The following CHRNA10 variants were observed in gnomAD, a reference collection of about 807,000 sequenced individuals.
The protein encoded by CHRNA10 is neuronal acetylcholine receptor subunit alpha-10.
Under a neutral mutation model 36.0 loss-of-function variants are expected in CHRNA10, and 31 were observed. That is an observed-to-expected ratio of 0.86 (90% CI 0.65 to 1.16). The LOEUF (loss-of-function observed/expected upper bound fraction) is 1.16, where lower values mean the gene tolerates loss of function less well. CHRNA10 is among the 50% of genes most tolerant of loss of function. CHRNA10 has a pLI of 0.00. For synonymous variants in CHRNA10, 302 were observed against 287.0 expected (o/e 1.05, Z -0.53); for missense variants, 648 against 640.9 (o/e 1.01, Z -0.12).
intron 4 of CHRNA10, among the ~76,000 whole-genome samples, chr11:3,666,916 T>G (rs917798305): frequency 3.3e-5 from 5 of 152,158 alleles, no homozygotes; most frequent in Non-Finnish European, 7.4e-5. Flanking sequence ...CCTAGGTTTG[T>G]GGTGATGCTT....
At chr11:3,667,173 G>A in intron 4 of CHRNA10, 59 bp downstream of exon 4, 1 of 1,474,612 alleles carries the variant, frequency 6.8e-7, no homozygotes, top group Non-Finnish European at 8.9e-7. Flanking sequence ...CCCTGTCGCG[G>A]CCCCGCCCTG....
chr11:3,668,045 CCT>C (rs1325824254), intron 3 of CHRNA10, among the ~76,000 whole-genome samples: 1 of 152,204 alleles, frequency 6.6e-6, no homozygotes, highest in African/African-American at 2.4e-5. Flanking sequence ...CAGATTTTAC[CCT>C]CTTTCCACGT....
intron 1 of CHRNA10, 200 bp downstream of exon 1, chr11:3,671,052 C>G: frequency 1.7e-6 from 1 of 604,810 alleles, no homozygotes; most frequent in Non-Finnish European, 2.9e-6. Flanking sequence ...GCTCCCCGCT[C>G]ACTGTTTCCA....
At chr11:3,666,979 CA>C (rs1452601457) in intron 4 of CHRNA10, among the ~76,000 whole-genome samples, 6 of 152,206 alleles carry the variant, frequency 3.9e-5, no homozygotes, top group Admixed American at 6.5e-5. Context: ...ACACAGCAAG[CA>C]GTCGACAGAT....
At chr11:3,667,815 G>A (rs755118049) in intron 3 of CHRNA10, 51 bp from the exon 4 acceptor site, 1 of 1,404,918 alleles carries the variant, frequency 7.1e-7, no homozygotes, top group Non-Finnish European at 9.2e-7. Flanking sequence ...CTGAGGAGCA[G>A]CCCCGGAGGC....
Position 3,667,538 on chromosome 11 carries a change from C to T in CHRNA10, c.589G>A (p.Val197Met), listed in dbSNP as rs763825468. ...RGAAASLADFVENVEWRVLGM... is the reference protein window; with the variant it reads ...RGAAASLADFMENVEWRVLGM... ...AGCACGCGCCACTCCACGTTCTCCA[C>T]GAAGTCCGCCAGGCTGGCTGCAGCG... Residue 197 changes from valine (V) to methionine (M), a missense_variant, in exon 4 of 5, where the codon GTG becomes ATG. Transcript: ENST00000250699. 8.8e-6 allele frequency: 14 copies of T among 1,584,566 alleles called. No homozygotes were observed. The highest frequency in any genetic ancestry group is 1.1e-5 in the South Asian group (1 of 89,588).
At chr11:3,669,405 T>A (rs530166528) in intron 2 of CHRNA10, 55 bp from the exon 3 acceptor site, 83 of 1,583,736 alleles carry the variant, frequency 5.2e-5, no homozygotes, top group Non-Finnish European at 6.8e-5. Context: ...TATCCTGCCC[T>A]GTCTGTGCAC....
In CHRNA10 at chr11:3,667,475, A is replaced by C. The variant is rs1203614629; in HGVS notation, c.652T>G (p.Cys218Gly). 2 of 1,591,024 alleles carry C rather than the reference A, an allele frequency of 1.3e-6. No homozygotes were observed. The highest frequency in any genetic ancestry group is 2.7e-5 in the African/African-American group (2 of 74,000). Reference protein sequence around the residue: ...PARRRVLTYGCCSEPYPDVTF... With the variant: ...PARRRVLTYGGCSEPYPDVTF... ...ACGTCGGGGTAGGGCTCGGAGCAGC[A>C]GCCGTAGGTGAGCACGCGCCGCCGC... The change falls in exon 4 of 5, where the codon TGC becomes GGC. Residue 218 changes from cysteine (C) to glycine (G), a missense_variant. By Grantham distance (159) the Cys-to-Gly change is radical. Coordinates refer to ENST00000250699, the MANE Select transcript of CHRNA10 (RefSeq NM_020402.4).
In CHRNA10 at chr11:3,667,332, G is replaced by A. The variant is rs781223689; in HGVS notation, c.795C>T (p.Gly265=). Reference sequence around the variant, plus strand: ...CGGTGACGCCCAGCGACACCTTCTCGCCTGAGTCGGCAGGCAGGTGGAAGG... The same window carrying A: ...CGGTGACGCCCAGCGACACCTTCTCACCTGAGTCGGCAGGCAGGTGGAAGG... ...PLAFHLPADS[G]EKVSLGVTVL... Residue 265 remains glycine (G), a synonymous_variant, in exon 4 of 5, where the codon GGC becomes GGT. Transcript: ENST00000250699. 1.6e-5 allele frequency: 25 copies of A among 1,600,266 alleles called. No homozygotes were observed. The Admixed American group carries it at 2.3e-4, about 15-fold the overall frequency.
At chr11:3,669,111 T>C in intron 3 of CHRNA10, 85 bp downstream of exon 3, 3 of 1,443,542 alleles carry the variant, frequency 2.1e-6, no homozygotes, top group Non-Finnish European at 2.8e-6. Context: ...GGTTATGTGG[T>C]AGGGAGAGGG....
At position 3,667,392 on chromosome 11, in the gene CHRNA10, C is replaced by T. The variant is rs758085196; in HGVS notation, c.735G>A (p.Leu245=). 4 of 1,601,464 alleles carry T rather than the reference C, an allele frequency of 2.5e-6. 1 individual carries two copies. In the South Asian group the frequency reaches 3.3e-5, roughly 13 times the overall value. The part of the protein sequence containing the change: ...RAAAYVCNLL[L]PCVLISLLAP... The stretch of plus-strand genomic sequence containing the variant: ...CAAGCAGCGAGATGAGCACGCAGGG[C>T]AGCAGCAGGTTGCACACGTAGGCGG... The change falls in exon 4 of 5, where the codon CTG becomes CTA. Residue 245 remains leucine (L), a synonymous_variant. Coordinates refer to ENST00000250699, the MANE Select transcript of CHRNA10 (RefSeq NM_020402.4).
rs2133973528 is a variant in CHRNA10, at chr11:3,667,464, C to T, written c.663G>A (p.Glu221=). ...GCGTGAAGGTGACGTCGGGGTAGGG[C>T]TCGGAGCAGCAGCCGTAGGTGAGCA... ...RRVLTYGCCS[E]PYPDVTFTLL... is the part of the protein sequence containing the mutation. The change falls in exon 4 of 5, where the codon GAG becomes GAA. Residue 221 remains glutamate (E), a synonymous_variant. Transcript: ENST00000250699. 1.3e-6 allele frequency: 2 copies of T among 1,593,258 alleles called. No homozygotes were observed. Among genetic ancestry groups the T allele is most frequent in the East Asian group, 2.3e-5 (1 of 44,380 alleles).
In CHRNA10 at chr11:3,669,851, GTGTC is replaced by G. The variant is rs2077700436; in HGVS notation, c.148_151del (p.Asp50GlnfsTer5). On this transcript the variant is annotated frameshift_variant, in exon 2 of 5. Transcript: ENST00000250699. LOFTEE classifies it high-confidence loss of function. ...CAGGGTCACATTCAGAGTCTGGTCT[GTGTC>G]TGCCACAGGTCTCAGGGCACTTGTG... The G allele has an allele frequency of 1.9e-6, 3 of 1,614,062 alleles. No individual in the cohort carries two copies. Among genetic ancestry groups the G allele is most frequent in the Non-Finnish European group, 2.5e-6 (3 of 1,180,026 alleles).
At position 3,667,553 on chromosome 11, in the gene CHRNA10, T is replaced by C. The variant is rs1190407217; in HGVS notation, c.574A>G (p.Ser192Gly). The C allele has an allele frequency of 6.3e-7, 1 of 1,576,644 alleles. No individual in the cohort carries two copies. Among genetic ancestry groups the C allele is most frequent in the Non-Finnish European group, 8.6e-7 (1 of 1,167,702 alleles). The change falls in exon 4 of 5, where the codon AGC (serine) becomes GGC (glycine). Residue 192 changes from serine to glycine, a missense_variant. Transcript: ENST00000250699. ...LDVRPRGAAASLADFVENVEW... is the reference protein window; with the variant it reads ...LDVRPRGAAAGLADFVENVEW... Reference sequence around the variant, plus strand: ...ACGTTCTCCACGAAGTCCGCCAGGCTGGCTGCAGCGCCGCGCGGCCGCACA... The same window carrying C: ...ACGTTCTCCACGAAGTCCGCCAGGCCGGCTGCAGCGCCGCGCGGCCGCACA...
chr11:3,670,859 G>A (rs2077708108), intron 1 of CHRNA10, among the ~76,000 whole-genome samples: 1 of 152,132 alleles, frequency 6.6e-6, no homozygotes, highest in Non-Finnish European at 1.5e-5. Context: ...TTTCCCCAAA[G>A]GCTCACCTTC....
Position 3,669,269 on chromosome 11 carries a change from C to T in CHRNA10, c.289G>A (p.Ala97Thr). 1.9e-6 allele frequency: 3 copies of T among 1,614,092 alleles called. No homozygotes were observed. The highest frequency in any genetic ancestry group is 2.5e-6 in the Non-Finnish European group (3 of 1,179,992). ...CGGATGGCATCCAGGCCACCATAGG[C>T]ATTGGGGTCCCATCGTAGGTAGGCA... ...TDAYLRWDPN[A>T]YGGLDAIRIP... Residue 97 changes from alanine (A) to threonine (T), a missense_variant, in exon 3 of 5, where the codon GCC (alanine) becomes ACC (threonine). Physicochemically the swap from Ala to Thr is moderately conservative, Grantham distance 58 (BLOSUM62 0). Coordinates refer to ENST00000250699, the MANE Select transcript of CHRNA10 (RefSeq NM_020402.4).
chr11:3,667,325 C>G lies in CHRNA10; in HGVS notation c.802G>C (p.Val268Leu). 6.3e-7 allele frequency: 1 copy of G among 1,599,976 alleles called. No homozygotes were observed. Among genetic ancestry groups the G allele is most frequent in the Non-Finnish European group, 8.5e-7 (1 of 1,178,198 alleles). ...AGCAGCACGGTGACGCCCAGCGACA[C>G]CTTCTCGCCTGAGTCGGCAGGCAGG... is the stretch of plus-strand genomic sequence containing the variant. ...FHLPADSGEK[V>L]SLGVTVLLAL... The change falls in exon 4 of 5, where the codon GTG (valine) becomes CTG (leucine). Residue 268 changes from valine to leucine, a missense_variant. Coordinates refer to ENST00000250699, the MANE Select transcript of CHRNA10 (RefSeq NM_020402.4).
At position 3,667,658 on chromosome 11, in the gene CHRNA10, C is replaced by A. The variant is rs1420339228; in HGVS notation, c.469G>T (p.Asp157Tyr). The A allele has an allele frequency of 5.8e-6, 9 of 1,561,008 alleles. No homozygotes were observed. The African/African-American group carries it at 1.2e-4, about 21-fold the overall frequency. Residue 157 changes from aspartate to tyrosine, a missense_variant, in exon 4 of 5, where the codon GAT (aspartate) becomes TAT (tyrosine). Transcript: ENST00000250699. ...PAITRSSCRV[D>Y]VAAFPFDAQH... ...GCGTCGAACGGGAAGGCTGCTACAT[C>A]CACGCGGCACGAGCTGCGCGTGATG...
In CHRNA10 at chr11:3,666,566, T is replaced by C; in HGVS notation, c.896-2A>G. On this transcript the variant is annotated splice_acceptor_variant, in intron 4 of 4. Coordinates refer to ENST00000250699, the MANE Select transcript of CHRNA10 (RefSeq NM_020402.4). LOFTEE classifies it high-confidence loss of function. The stretch of plus-strand genomic sequence containing the variant: ...TCATAGTGGCCATGTAGTACTTCCC[T>C]GCAAGAGAGAGAGAAAGCCAATTGA... The C allele has an allele frequency of 6.6e-7, 1 of 1,521,320 alleles. No homozygotes were observed. The highest frequency in any genetic ancestry group is 8.8e-7 in the Non-Finnish European group (1 of 1,134,204). 94.2% of individuals were successfully genotyped at this position (1,521,320 alleles called of 1,614,324 possible). A position where few individuals can be genotyped will look rare whatever the true frequency, so the allele number is the denominator to read the frequency against.
Sources: gnomAD v4.1 joint callset for allele counts (sites outside exome capture counted in the v4.1 genomes callset) on GRCh38, gnomAD v4.1.1 for gene constraint, MANE v1.5 for transcripts, NCBI Gene and HGNC (gene_info 2026-07-23, HGNC 2026-07-21) for gene names.